The following KLHL14 variants were observed in gnomAD, a reference collection of about 807,000 sequenced individuals.
The protein encoded by KLHL14 is kelch-like protein 14.
KLHL14 carries 22 observed loss-of-function variants against 64.3 expected under a neutral mutation model. The observed-to-expected ratio is 0.34, with a 90% CI of 0.24 to 0.49. The LOEUF is 0.49. Ranked by LOEUF, KLHL14 falls within the 20% of genes least tolerant of loss-of-function variation. The probability of loss-of-function intolerance (pLI) is 0.99; values close to 1 mark genes in which losing one functional copy is unlikely to be tolerated. For missense variants in KLHL14, 661 were observed against 789.0 expected (o/e 0.84, Z 1.94); for synonymous variants, 322 against 333.4 (o/e 0.97, Z 0.37).
At chr18:32,724,584 G>T (rs1374901370) in intron 3 of KLHL14, among the ~76,000 whole-genome samples, 1 of 152,054 alleles carries the variant, frequency 6.6e-6, no homozygotes. Context: ...AACACAATGG[G>T]GATAGTAATG....
chr18:32,682,323 G>A (rs1430309442), intron 5 of KLHL14, among the ~76,000 whole-genome samples: 1 of 152,122 alleles, frequency 6.6e-6, no homozygotes, highest in Non-Finnish European at 1.5e-5. Context: ...AAGGAAATAT[G>A]TGCCTTGGAA....
intron 8 of KLHL14, 48 bp from the exon 9 acceptor site, chr18:32,674,845 G>T: frequency 1.3e-6 from 1 of 758,844 alleles, no homozygotes; most frequent in Non-Finnish European, 2.5e-6. Context: ...CTAGAGAAGT[G>T]CAATGGCAAT....
rs142374484 is a variant in KLHL14, at chr18:32,741,960, T to C, written c.1037A>G (p.Asp346Gly). 1.4e-5 allele frequency: 22 copies of C among 1,611,998 alleles called. No individual in the cohort carries two copies. Among genetic ancestry groups the C allele is most frequent in the Non-Finnish European group, 1.9e-5 (22 of 1,179,604 alleles). Reference protein sequence around the residue: ...RLPSNLVQYYDDEKKTWKILT... With the variant: ...RLPSNLVQYYGDEKKTWKILT... Reference sequence around the variant, plus strand: ...TATTTTCCATGTCTTCTTTTCATCGTCGTAATACTGAACCAAATTGCTGGG... The same window carrying C: ...TATTTTCCATGTCTTCTTTTCATCGCCGTAATACTGAACCAAATTGCTGGG... Residue 346 changes from aspartate to glycine, a missense_variant, in exon 3 of 9, where the codon GAC becomes GGC. Physicochemically the swap from Asp to Gly is moderately conservative, Grantham distance 94. This residue lies in a region of KLHL14 where 330 missense variants were observed against 450.0 expected (regional missense o/e 0.73). Transcript: ENST00000359358.
At chr18:32,690,415 G>A (rs2049901686) in intron 4 of KLHL14, among the ~76,000 whole-genome samples, 1 of 152,124 alleles carries the variant, frequency 6.6e-6, no homozygotes, top group Non-Finnish European at 1.5e-5. Context: ...GAGTGGCTGG[G>A]AAAGCAGTAC....
At chr18:32,760,368 A>T (rs1182541480) in intron 2 of KLHL14, among the ~76,000 whole-genome samples, 1 of 152,092 alleles carries the variant, frequency 6.6e-6, no homozygotes, top group African/African-American at 2.4e-5. Context: ...ACACATATAC[A>T]CACACACACA....
At chr18:32,677,400 C>T in intron 7 of KLHL14, 70 bp from the exon 8 acceptor site, 1 of 1,388,528 alleles carries the variant, frequency 7.2e-7, no homozygotes, top group Non-Finnish European at 9.6e-7. Context: ...GCTAGGGCTT[C>T]TTTTAAAAAC....
intron 8 of KLHL14, among the ~76,000 whole-genome samples, chr18:32,675,566 G>A (rs2049807503): frequency 6.6e-6 from 1 of 152,126 alleles, no homozygotes; most frequent in African/African-American, 2.4e-5. Flanking sequence ...ATGAAAGTTT[G>A]TCAACTTTCT....
intron 2 of KLHL14, among the ~76,000 whole-genome samples, chr18:32,750,647 A>AC (rs1462242478): frequency 3.3e-5 from 5 of 152,320 alleles, no homozygotes; most frequent in African/African-American, 9.6e-5. Flanking sequence ...ACCAAATCTT[A>AC]CAATATTCAA....
chr18:32,676,700 C>T (rs975577532), intron 8 of KLHL14, among the ~76,000 whole-genome samples: 1 of 151,982 alleles, frequency 6.6e-6, no homozygotes, highest in Non-Finnish European at 1.5e-5. Context: ...TAATGAAGTC[C>T]CATTCTAATC....
intron 4 of KLHL14, among the ~76,000 whole-genome samples, chr18:32,694,786 C>A (rs1197739151): frequency 6.6e-6 from 1 of 152,218 alleles, no homozygotes; most frequent in African/African-American, 2.4e-5. Flanking sequence ...GCTACAACTG[C>A]AACTCCTCCT....
chr18:32,716,667 C>A (rs1430905866), intron 3 of KLHL14, among the ~76,000 whole-genome samples: 1 of 152,194 alleles, frequency 6.6e-6, no homozygotes, highest in Non-Finnish European at 1.5e-5. Flanking sequence ...GATCCACCCA[C>A]CTCGGCCTCC....
chr18:32,674,769 T>C lies in KLHL14; in HGVS notation c.1775A>G (p.Tyr592Cys), dbSNP rs1362179421. Reference sequence around the variant, plus strand: ...TGTCCAGGTTCCTTTCTCTGGACAATAGCATATTGTAGATGACTTGTAGGC... The same window carrying C: ...TGTCCAGGTTCCTTTCTCTGGACAACAGCATATTGTAGATGACTTGTAGGC... Reference protein sequence around the residue: ...MGAYKSSTICYCPEKGTWTEL... With the variant: ...MGAYKSSTICCCPEKGTWTEL... Residue 592 changes from tyrosine to cysteine, a missense_variant, in exon 9 of 9, where the codon TAT becomes TGT. This residue lies in a region of KLHL14 where 330 missense variants were observed against 450.0 expected (regional missense o/e 0.73). Transcript: ENST00000359358. 2 of 780,892 alleles carry C rather than the reference T, an allele frequency of 2.6e-6. No individual in the cohort carries two copies. Among genetic ancestry groups the C allele is most frequent in the South Asian group, 1.3e-5 (1 of 74,598 alleles). The allele number at this position is 780,892 out of a possible 1,614,324, so 48.4% of individuals were successfully genotyped here.
chr18:32,769,899 G>GGGGGGCGGCAGCGAGTCCAGCA lies in KLHL14; in HGVS notation c.671_692dup (p.Val232AlafsTer35). 6.2e-7 allele frequency: 1 copy of GGGGGGCGGCAGCGAGTCCAGCA among 1,614,054 alleles called. No individual in the cohort carries two copies. Among genetic ancestry groups the GGGGGGCGGCAGCGAGTCCAGCA allele is most frequent in the Non-Finnish European group, 8.5e-7 (1 of 1,180,036 alleles). ...GGAAGAGCGCCAGCTCCGACTCCAC[G>GGGGGGCGGCAGCGAGTCCAGCA]GGGGGCGGCAGCGAGTCCAGCAGGG... On this transcript the variant is annotated frameshift_variant, in exon 2 of 9. Transcript: ENST00000359358. LOFTEE classifies it high-confidence loss of function.
intron 2 of KLHL14, among the ~76,000 whole-genome samples, chr18:32,747,970 G>A (rs2050232050): frequency 6.6e-6 from 1 of 152,184 alleles, no homozygotes; most frequent in African/African-American, 2.4e-5. Flanking sequence ...TGTTAACTGA[G>A]TTCCTACTAT....
At chr18:32,675,899 C>G (rs1305046671) in intron 8 of KLHL14, among the ~76,000 whole-genome samples, 1 of 151,822 alleles carries the variant, frequency 6.6e-6, no homozygotes, top group Non-Finnish European at 1.5e-5. Context: ...TTAAAGCTCC[C>G]CAAAACTTTA....
chr18:32,741,962 G>A lies in KLHL14; in HGVS notation c.1035C>T (p.Tyr345=), dbSNP rs187882966. The A allele has an allele frequency of 3.8e-5, 62 of 1,611,830 alleles. No homozygotes were observed. The highest frequency in any genetic ancestry group is 1.9e-4 in the Admixed American group (11 of 59,302). Residue 345 remains tyrosine, a synonymous_variant, in exon 3 of 9, where the codon TAC becomes TAT. Transcript: ENST00000359358. ...TTTTCCATGTCTTCTTTTCATCGTC[G>A]TAATACTGAACCAAATTGCTGGGGA... is the stretch of plus-strand genomic sequence containing the variant. ...DRLPSNLVQY[Y]DDEKKTWKIL...
intron 3 of KLHL14, chr18:32,740,800 T>C (rs1471838991): frequency 6.6e-6 from 1 of 152,160 alleles, no homozygotes; most frequent in East Asian, 1.9e-4. Flanking sequence ...CGCATTGGTG[T>C]CCAGGGAGCT....
chr18:32,758,082 A>G (rs1190153141), intron 2 of KLHL14, among the ~76,000 whole-genome samples: 2 of 150,936 alleles, frequency 1.3e-5, no homozygotes, highest in Non-Finnish European at 3.0e-5. Context: ...TTGAATAGAC[A>G]TCTCTCTCTC....
intron 3 of KLHL14, among the ~76,000 whole-genome samples, chr18:32,726,538 C>A (rs1399542677): frequency 6.6e-6 from 1 of 152,008 alleles, no homozygotes; most frequent in Non-Finnish European, 1.5e-5. Context: ...GTAGGAGAAT[C>A]ACTTGAACCC....
Sources: allele counts gnomAD v4.1 joint callset (sites outside exome capture counted in the v4.1 genomes callset), GRCh38; gene constraint gnomAD v4.1.1; regional missense constraint gnomAD v4.1.1; transcripts MANE v1.5; gene names NCBI Gene and HGNC (gene_info 2026-07-23, HGNC 2026-07-21).